The following C4orf51 variants were observed in gnomAD, a reference collection of about 807,000 sequenced individuals.
The protein encoded by C4orf51 is uncharacterized protein C4orf51.
Under a neutral mutation model 25.2 loss-of-function variants are expected in C4orf51, and 25 were observed. That is an observed-to-expected ratio of 0.99 (90% CI 0.72 to 1.39). The LOEUF (loss-of-function observed/expected upper bound fraction) is 1.39. C4orf51 is among the 40% of genes most tolerant of loss of function. The pLI is 0.00. For missense variants in C4orf51, 252 were observed against 239.6 expected (o/e 1.05, Z -0.34); for synonymous variants, 100 against 84.5 (o/e 1.18, Z -1.01).
At chr4:145,684,458 G>A (rs1235197642) in intron 1 of C4orf51, among the ~76,000 whole-genome samples, 1 of 152,044 alleles carries the variant, frequency 6.6e-6, no homozygotes, top group Non-Finnish European at 1.5e-5. Flanking sequence ...CTCCAGCCTG[G>A]GTGACAGAGC....
intron 1 of C4orf51, among the ~76,000 whole-genome samples, chr4:145,768,488 A>AAGTAACTG (rs958652262): frequency 2.0e-5 from 3 of 152,056 alleles, no homozygotes; most frequent in Non-Finnish European, 4.4e-5. Context: ...TATAAACCCC[A>AAGTAACTG]AGTAACTGGA....
intron 1 of C4orf51, among the ~76,000 whole-genome samples, chr4:145,693,240 G>A (rs112183960): frequency 6.7e-6 from 1 of 149,836 alleles, no homozygotes; most frequent in Non-Finnish European, 1.5e-5. Flanking sequence ...GACTCTTAAC[G>A]AGCATGCTGC....
At chr4:145,721,080 C>T (rs759719580) in intron 2 of C4orf51, among the ~76,000 whole-genome samples, 6 of 151,950 alleles carry the variant, frequency 3.9e-5, no homozygotes, top group Non-Finnish European at 7.4e-5. Context: ...GGTGTGGTGG[C>T]TCACACCTGT....
intron 5 of C4orf51, among the ~76,000 whole-genome samples, chr4:145,731,995 A>C (rs1732509281): frequency 6.6e-6 from 1 of 152,212 alleles, no homozygotes; most frequent in Non-Finnish European, 1.5e-5. Flanking sequence ...GATTGAATGA[A>C]ATTTTCAACG....
rs147869684 is a variant in C4orf51 at position 145,748,397 on chromosome 4, G to A, written n.168-5810G>A. ...CTTCATTTCAATTTCATGTATTTCT[G>A]CTCTAATCCTTATTTCTTTTCTTCT... On this transcript the variant is annotated intron_variant and non_coding_transcript_variant, in intron 1 of 1. Transcript: ENST00000508981. Among the ~76,000 whole-genome samples, 19 of 151,856 alleles carry A rather than the reference G, an allele frequency of 1.3e-4. 1 individual carries two copies. In the East Asian group the frequency reaches 3.5e-3, roughly 28 times the overall value.
chr4:145,778,963 T>G, the C4orf51 span, among the ~76,000 whole-genome samples: 1 of 152,216 alleles, frequency 6.6e-6, no homozygotes, highest in Non-Finnish European at 1.5e-5. Context: ...TTCTCCACAA[T>G]TATACATAAA....
chr4:145,774,840 G>A (rs1230788305), downstream of C4orf51, among the ~76,000 whole-genome samples: 4 of 152,204 alleles, frequency 2.6e-5, no homozygotes, highest in East Asian at 7.7e-4. Flanking sequence ...TTTCTGGGAT[G>A]CCTCTAAAGT....
At chr4:145,733,676 T>C (rs898472608), downstream of C4orf51, among the ~76,000 whole-genome samples, 5 of 152,202 alleles carry the variant, frequency 3.3e-5, no homozygotes, top group Non-Finnish European at 7.3e-5. Flanking sequence ...TCCTAGTGAT[T>C]ATTTTTGTCT....
intron 1 of C4orf51, among the ~76,000 whole-genome samples, chr4:145,741,052 A>T (rs1733070859): frequency 6.6e-6 from 1 of 152,094 alleles, no homozygotes; most frequent in Non-Finnish European, 1.5e-5. Context: ...CCTCCTCCTC[A>T]CAAAGGTCAG....
In C4orf51 at chr4:145,765,265, A is replaced by G; in HGVS notation, n.167-5723A>G. ...TCCCCACTTCCTCCCGCCTCCTCCG[A>G]CGCCTGACAGCTATACCCTTCCAGG... is the stretch of plus-strand genomic sequence containing the variant. On this transcript the variant is annotated intron_variant and non_coding_transcript_variant, in intron 1 of 1. Coordinates refer to the C4orf51 transcript ENST00000510096. The surrounding 1 kb of genome is among the most constrained non-coding windows in gnomAD (Gnocchi z 4.7). 8 of 1,303,206 alleles carry G rather than the reference A, an allele frequency of 6.1e-6. No individual in the cohort carries two copies. Among genetic ancestry groups the G allele is most frequent in the Non-Finnish European group, 8.3e-6 (8 of 966,492 alleles). 80.7% of individuals were successfully genotyped at this position (1,303,206 alleles called of 1,614,324 possible).
At chr4:145,694,161 A>G (rs1443622220) in intron 1 of C4orf51, among the ~76,000 whole-genome samples, 2 of 134,440 alleles carry the variant, frequency 1.5e-5, no homozygotes, top group African/African-American at 5.8e-5. Context: ...CTCACATCCC[A>G]GACGATGTGC....
chr4:145,680,520 C>T (rs1017747166), intron 1 of C4orf51, 84 bp downstream of exon 1: 1 of 1,001,212 alleles, frequency 1.0e-6, no homozygotes, highest in African/African-American at 1.6e-5. Context: ...ATTGTAGACC[C>T]TGAGAGACTT....
At chr4:145,782,081 G>A in the C4orf51 span, among the ~76,000 whole-genome samples, 2 of 152,308 alleles carry the variant, frequency 1.3e-5, no homozygotes, top group African/African-American at 2.4e-5. Context: ...CAGTTGTCAC[G>A]GGGCACCCAT....
downstream of C4orf51, chr4:145,732,846 C>A (rs543044588): frequency 4.5e-6 from 1 of 221,782 alleles, no homozygotes; most frequent in South Asian, 1.1e-4. Context: ...GGTGCTGCGG[C>A]CCCGACCGTC....
intron 1 of C4orf51, among the ~76,000 whole-genome samples, chr4:145,741,767 A>C (rs1579021808): frequency 6.6e-6 from 1 of 151,794 alleles, no homozygotes; most frequent in South Asian, 2.1e-4. Context: ...GCTCGATCTC[A>C]GCTCACTGCA....
At chr4:145,694,653 G>A in intron 1 of C4orf51, among the ~76,000 whole-genome samples, 2 of 120,852 alleles carry the variant, frequency 1.7e-5, no homozygotes, top group African/African-American at 3.3e-5. Flanking sequence ...AGGTGGGGGG[G>A]TCAGCCCTCC....
intron 3 of C4orf51, among the ~76,000 whole-genome samples, chr4:145,728,519 T>C (rs979614906): frequency 1.3e-5 from 2 of 152,220 alleles, no homozygotes; most frequent in African/African-American, 4.8e-5. Context: ...TAAGGAATAC[T>C]GAACCATTGT....
At chr4:145,737,946 C>T (rs1432866588) in intron 1 of C4orf51, among the ~76,000 whole-genome samples, 2 of 152,028 alleles carry the variant, frequency 1.3e-5, no homozygotes, top group African/African-American at 2.4e-5. Flanking sequence ...GGAAACCAGA[C>T]AGGTTAAATT....
At chr4:145,760,700 G>A (rs1486453706) in intron 1 of C4orf51, 1 of 1,010,982 alleles carries the variant, frequency 9.9e-7, no homozygotes, top group Admixed American at 5.0e-5. Context: ...CACCTGCTGG[G>A]GTTGTGTTTA....
Sources: allele counts gnomAD v4.1 joint callset (sites outside exome capture counted in the v4.1 genomes callset), GRCh38; gene constraint gnomAD v4.1.1; non-coding constraint Gnocchi (gnomAD v3.1); transcripts MANE v1.5; gene names NCBI Gene and HGNC (gene_info 2026-07-23, HGNC 2026-07-21).